SUCO: variants seen among roughly 807,000 people sequenced by gnomAD.
SUCO encodes SUN domain containing ossification factor.
SUCO carries 57 observed loss-of-function variants against 148.1 expected under a neutral mutation model. The ratio of observed to expected loss-of-function variants is 0.38; its 90% CI spans 0.31 to 0.48. The LOEUF is 0.48. Ranked by LOEUF, SUCO falls within the 20% of genes least tolerant of loss-of-function variation. SUCO has a pLI of 0.96. For synonymous variants in SUCO, 470 were observed against 502.7 expected (o/e 0.93, Z 0.87); for missense variants, 1,331 against 1,468.2 (o/e 0.91, Z 1.53).
rs532734055 is a variant in SUCO, at chr1:172,562,378, A to G, written c.732+4584A>G. 2.5e-3 allele frequency among the ~76,000 whole-genome samples: 373 copies of G among 146,694 alleles called. 1 individual carries two copies. Among genetic ancestry groups the G allele is most frequent in the Non-Finnish European group, 4.1e-3 (277 of 67,326 alleles). ...GAGATGGAGTCTTGCTCTGTTGCCA[A>G]TCTGGAGTGCAGTGGTGCGATCTCT... On this transcript the variant is annotated intron_variant, in intron 6 of 23. Transcript: ENST00000263688.
In SUCO at chr1:172,588,839, T is replaced by G. The variant is rs1656416018; in HGVS notation, c.1738T>G (p.Leu580Val). 6.2e-7 allele frequency: 1 copy of G among 1,611,262 alleles called. No homozygotes were observed. The highest frequency in any genetic ancestry group is 8.5e-7 in the Non-Finnish European group (1 of 1,178,788). ...DTPKESPIVQ[L>V]VQEEEEEASP... ...TCCAAAAGAGAGTCCCATTGTACAG[T>G]TAGTTCAAGAGGAGGAAGAGGAGGC... is the stretch of plus-strand genomic sequence containing the variant. The change falls in exon 18 of 24, where the codon TTA (leucine) becomes GTA (valine). Residue 580 changes from leucine to valine, a missense_variant. Physicochemically the swap from Leu to Val is conservative, Grantham distance 32. This residue lies in a region of SUCO where 992 missense variants were observed against 1,093.5 expected (regional missense o/e 0.91). Transcript: ENST00000263688.
intron 17 of SUCO, chr1:172,587,972 C>T: frequency 5.8e-6 from 3 of 518,546 alleles, no homozygotes; most frequent in Non-Finnish European, 7.4e-6. Context: ...ATACATACTC[C>T]ACAGCCTCAA....
intron 6 of SUCO, chr1:172,568,367 T>G: frequency 1.1e-6 from 1 of 924,190 alleles, no homozygotes. Context: ...AATAATTCTT[T>G]GTTGACTGAA....
intron 6 of SUCO, among the ~76,000 whole-genome samples, chr1:172,558,470 T>C (rs1404675007): frequency 6.6e-6 from 1 of 152,132 alleles, no homozygotes; most frequent in Non-Finnish European, 1.5e-5. Flanking sequence ...CAAAAATAAA[T>C]AGGGTCCATG....
intron 1 of SUCO, among the ~76,000 whole-genome samples, chr1:172,538,717 T>A (rs1652211770): frequency 6.6e-6 from 1 of 152,214 alleles, no homozygotes; most frequent in African/African-American, 2.4e-5. Flanking sequence ...AATGATTTTT[T>A]TAGTGGAACT....
intron 2 of SUCO, 66 bp downstream of exon 2, chr1:172,551,692 A>G: frequency 9.8e-7 from 1 of 1,020,178 alleles, no homozygotes. Context: ...GAAAACATTC[A>G]GAATAAAAGT....
At chr1:172,602,024 G>T in intron 20 of SUCO, 40 bp from the exon 21 acceptor site, 1 of 1,531,016 alleles carries the variant, frequency 6.5e-7, no homozygotes, top group African/African-American at 1.4e-5. Flanking sequence ...TTCCTAATAT[G>T]ATTTCCTATG....
rs151013343 is a variant in SUCO at position 172,610,104 on chromosome 1, C to T, written c.3610C>T (p.Arg1204Ter). ...KTKTEKRALK[R>*]RRSKVQDQGK... ...AAAAACTGAGAAGAGGGCTTTAAAA[C>T]GAAGACGATCTAAAGTCCAAGACCA... Residue 1204 changes from arginine to a stop codon, truncating the protein, a stop_gained, in exon 24 of 24, where the codon CGA becomes TGA. Transcript: ENST00000263688. LOFTEE classifies it high-confidence loss of function. 257 of 1,613,622 alleles carry T rather than the reference C, an allele frequency of 1.6e-4. No homozygotes were observed. The highest frequency in any genetic ancestry group is 2.1e-4 in the Non-Finnish European group (242 of 1,179,846).
upstream of SUCO, chr1:172,532,748 A>G (rs766141682): frequency 1.3e-5 from 21 of 1,613,808 alleles, no homozygotes; most frequent in African/African-American, 2.5e-4. Flanking sequence ...TGGAAGGCAA[A>G]CTACAACTCC....
rs1020033528 is a variant in SUCO at position 172,533,344 on chromosome 1, C to T, written c.-92C>T. ...CTTAGGACTATCGGTCACATTCTCG[C>T]GCTCCTGCTCCGGCTCCTCCATCTT... is the stretch of plus-strand genomic sequence containing the variant. On this transcript the variant is annotated 5_prime_UTR_variant, in exon 1 of 24. Transcript: ENST00000263688. 5 of 1,551,534 alleles carry T rather than the reference C, an allele frequency of 3.2e-6. No individual in the cohort carries two copies. The highest frequency in any genetic ancestry group is 1.2e-5 in the South Asian group (1 of 84,060).
intron 1 of SUCO, among the ~76,000 whole-genome samples, chr1:172,540,421 C>T (rs992473727): frequency 8.6e-5 from 13 of 152,012 alleles, no homozygotes; most frequent in African/African-American, 2.4e-4. Context: ...ACCTAGGATT[C>T]TTACCTTGTA....
chr1:172,541,837 C>G, intron 1 of SUCO: 2 of 983,068 alleles, frequency 2.0e-6, no homozygotes, highest in Non-Finnish European at 2.4e-6. Flanking sequence ...ATTCTAGGGC[C>G]TAAAATTATG....
In SUCO at chr1:172,557,307, G is replaced by C. The variant is rs765356073; in HGVS notation, c.471G>C (p.Pro157=). 6.2e-7 allele frequency: 1 copy of C among 1,613,418 alleles called. No homozygotes were observed. The change falls in exon 5 of 24, where the codon CCG becomes CCC. Residue 157 remains proline, a synonymous_variant. Coordinates refer to ENST00000263688, the MANE Select transcript of SUCO (RefSeq NM_014283.5). ...AAATAGAAAAATCTGGTACTATTCC[G>C]ATAGCCAAACCAAGTGAAACTGAGC... ...LDEIEKSGTI[P]IAKPSETEQS... is the part of the protein sequence containing the mutation.
intron 16 of SUCO, chr1:172,585,306 C>T: frequency 4.1e-6 from 1 of 241,248 alleles, no homozygotes. Context: ...ATGAATTTGC[C>T]TTTTGACTTC....
intron 1 of SUCO, among the ~76,000 whole-genome samples, chr1:172,548,745 G>T (rs916111456): frequency 6.6e-6 from 1 of 152,020 alleles, no homozygotes; most frequent in African/African-American, 2.4e-5. Flanking sequence ...TTGAGTTTTT[G>T]GAATTTGAGG....
chr1:172,565,702 T>G (rs1654500639), intron 6 of SUCO, among the ~76,000 whole-genome samples: 1 of 152,110 alleles, frequency 6.6e-6, no homozygotes, highest in Non-Finnish European at 1.5e-5. Context: ...CCACCTTAAA[T>G]AATTGCCACA....
chr1:172,589,743 A>G lies in SUCO; in HGVS notation c.2642A>G (p.Gln881Arg), dbSNP rs529573197. 4.3e-6 allele frequency: 7 copies of G among 1,613,062 alleles called. No homozygotes were observed. The highest frequency in any genetic ancestry group is 2.2e-5 in the East Asian group (1 of 44,862). The change falls in exon 18 of 24, where the codon CAG (glutamine) becomes CGG (arginine). Residue 881 changes from glutamine to arginine, a missense_variant. This residue lies in a region of SUCO where 992 missense variants were observed against 1,093.5 expected (regional missense o/e 0.91). Transcript: ENST00000263688. ...SPEDALLRGL[Q>R]RTATDFYAEL... ...GAAGATGCCCTTTTGAGAGGGTTAC[A>G]GAGGACAGCTACAGATTTTTATGCT... is the stretch of plus-strand genomic sequence containing the variant.
At position 172,579,250 on chromosome 1, in the gene SUCO, T is replaced by A; in HGVS notation, c.1481T>A (p.Leu494His). 1 of 1,599,278 alleles carries A rather than the reference T, an allele frequency of 6.3e-7. No homozygotes were observed. The highest frequency in any genetic ancestry group is 1.1e-5 in the South Asian group (1 of 90,434). ...NTGEDKSSKNLLGSATNAILN... is the reference protein window; with the variant it reads ...NTGEDKSSKNHLGSATNAILN... Reference sequence around the variant, plus strand: ...GGAGAGGATAAATCCTCAAAAAATCTTCTTGGTTCTGCTACAAGTGAGTAT... The same window carrying A: ...GGAGAGGATAAATCCTCAAAAAATCATCTTGGTTCTGCTACAAGTGAGTAT... Residue 494 changes from leucine to histidine, a missense_variant, in exon 15 of 24, where the codon CTT becomes CAT. Leu to His is a moderately conservative substitution (Grantham distance 99). Transcript: ENST00000263688.
chr1:172,605,161 T>C (rs754821532), intron 22 of SUCO, among the ~76,000 whole-genome samples: 22 of 151,890 alleles, frequency 1.4e-4, no homozygotes, highest in Non-Finnish European at 2.8e-4. Flanking sequence ...TGTCCTTGGA[T>C]GTACAGTTTT....
Sources: allele counts gnomAD v4.1 joint callset (sites outside exome capture counted in the v4.1 genomes callset), GRCh38; gene constraint gnomAD v4.1.1; regional missense constraint gnomAD v4.1.1; transcripts MANE v1.5; gene names NCBI Gene and HGNC (gene_info 2026-07-23, HGNC 2026-07-21).